The following DDX25 variants were observed in gnomAD, a reference collection of about 807,000 sequenced individuals.
DDX25 encodes the protein DEAD-box helicase 25.
Under a neutral mutation model 64.6 loss-of-function variants are expected in DDX25, and 70 were observed. That is an observed-to-expected ratio of 1.08 (90% CI 0.89 to 1.32). The LOEUF (loss-of-function observed/expected upper bound fraction) is 1.32. Among genes scored for constraint, DDX25 ranks in the 40% most tolerant of loss-of-function variants. The pLI is 0.00. For missense variants in DDX25, 587 were observed against 604.4 expected (o/e 0.97, Z 0.30); for synonymous variants, 211 against 213.3 (o/e 0.99, Z 0.09).
intron 4 of DDX25, among the ~76,000 whole-genome samples, chr11:125,907,500 C>G (rs909697006): frequency 1.8e-4 from 28 of 151,436 alleles, no homozygotes; most frequent in Admixed American, 1.6e-3. Context: ...CCTAGCTACT[C>G]GGGAGGCTGA....
upstream of DDX25, among the ~76,000 whole-genome samples, chr11:125,904,168 G>C (rs1295657903): frequency 6.6e-6 from 1 of 152,204 alleles, no homozygotes; most frequent in Non-Finnish European, 1.5e-5. Context: ...GGGGGCTCCC[G>C]CCTGGAGGGC....
chr11:125,923,594 A>AC lies in DDX25; in HGVS notation c.*714dup, dbSNP rs2134287417. 1 of 152,034 alleles carries AC rather than the reference A, an allele frequency of 6.6e-6. No individual in the cohort carries two copies. Among genetic ancestry groups the AC allele is most frequent in the East Asian group, 1.9e-4 (1 of 5,170 alleles). 9.4% of individuals were successfully genotyped at this position (152,034 alleles called of 1,614,324 possible). On this transcript the variant is annotated 3_prime_UTR_variant, in exon 12 of 12. Coordinates refer to ENST00000263576, the MANE Select transcript of DDX25 (RefSeq NM_013264.5). ...AGTCGGGAGGGTAAAAAAAAAACCC[A>AC]CATACCCTATTAAAGAAGTAACATT...
intron 8 of DDX25, among the ~76,000 whole-genome samples, chr11:125,916,663 A>G (rs1468931589): frequency 6.6e-6 from 1 of 151,978 alleles, no homozygotes; most frequent in Non-Finnish European, 1.5e-5. Flanking sequence ...CTTCATCTCC[A>G]TTTACCTTTG....
In DDX25 at chr11:125,922,950, AT is replaced by A; in HGVS notation, c.*76del. The stretch of plus-strand genomic sequence containing the variant: ...AATGTCTCAGTGGGTTTTGAAGGTA[AT>A]TTTTTTATGTTGAGGCTTTTTCGAC... On this transcript the variant is annotated 3_prime_UTR_variant, in exon 12 of 12. Transcript: ENST00000263576. The A allele has an allele frequency of 1.3e-5, 18 of 1,426,052 alleles. No individual in the cohort carries two copies. The highest frequency in any genetic ancestry group is 2.7e-5 in the South Asian group (2 of 73,750). 88.3% of individuals were successfully genotyped at this position (1,426,052 alleles called of 1,614,324 possible).
In DDX25 at chr11:125,928,247, A is replaced by G. The variant is rs1284464568; in HGVS notation, c.*5366A>G. 1 of 152,206 alleles carries G rather than the reference A, an allele frequency of 6.6e-6. No homozygotes were observed. The highest frequency in any genetic ancestry group is 1.5e-5 in the Non-Finnish European group (1 of 68,030). 9.4% of individuals were successfully genotyped at this position (152,206 alleles called of 1,614,324 possible). ...CATCTGTGGTTAATTATAGTATTAT[A>G]TCTTTTTATTTGAAACATTCAAGTT... is the stretch of plus-strand genomic sequence containing the variant. On this transcript the variant is annotated 3_prime_UTR_variant, in exon 12 of 12. Coordinates refer to ENST00000263576, the MANE Select transcript of DDX25 (RefSeq NM_013264.5).
intron 3 of DDX25, 21 bp downstream of exon 3, chr11:125,905,618 C>T (rs2134271828): frequency 6.5e-7 from 1 of 1,546,226 alleles, no homozygotes. Flanking sequence ...AATTCATTTG[C>T]ATGTATCTAC....
In DDX25 at chr11:125,924,296, G is replaced by T. The variant is rs558927209; in HGVS notation, c.*1415G>T. 4 of 152,250 alleles carry T rather than the reference G, an allele frequency of 2.6e-5. No homozygotes were observed. The highest frequency in any genetic ancestry group is 9.6e-5 in the African/African-American group (4 of 41,528). 9.4% of individuals were successfully genotyped at this position (152,250 alleles called of 1,614,324 possible). On this transcript the variant is annotated 3_prime_UTR_variant, in exon 12 of 12. Transcript: ENST00000263576. ...AAAACGCGCTCCCCTCCCTCATTTA[G>T]CAACAGATATTTATTGTATACCCTT...
chr11:125,915,757 C>A (rs776623717), intron 8 of DDX25, among the ~76,000 whole-genome samples: 17 of 152,182 alleles, frequency 1.1e-4, no homozygotes, highest in Non-Finnish European at 2.1e-4. Context: ...TCTCTGGTTC[C>A]TGTAGCTCAC....
rs1945183187 is a variant in DDX25 at position 125,928,042 on chromosome 11, A to G, written c.*5161A>G. ...GTACCCTGTCTTAGCGTTCAGATGC[A>G]TTGGTTCCTTCCCCATGTGACCATC... On this transcript the variant is annotated 3_prime_UTR_variant, in exon 12 of 12. Coordinates refer to ENST00000263576, the MANE Select transcript of DDX25 (RefSeq NM_013264.5). The G allele has an allele frequency of 6.6e-6, 1 of 152,218 alleles. No individual in the cohort carries two copies. The highest frequency in any genetic ancestry group is 6.6e-5 in the Admixed American group (1 of 15,266). The allele number at this position is 152,218 out of a possible 1,614,324, so 9.4% of individuals were successfully genotyped here. A position where few individuals can be genotyped will look rare whatever the true frequency, so the allele number is the denominator to read the frequency against.
In DDX25 at chr11:125,921,472, GAGT is replaced by G. The variant is rs1479598331; in HGVS notation, c.1390+99_1390+101del. The G allele has an allele frequency of 7.0e-7, 1 of 1,425,574 alleles. No homozygotes were observed. The highest frequency in any genetic ancestry group is 9.4e-7 in the Non-Finnish European group (1 of 1,066,998). The allele number at this position is 1,425,574 out of a possible 1,614,324, so 88.3% of individuals were successfully genotyped here. On this transcript the variant is annotated intron_variant, in intron 11 of 11. Transcript: ENST00000263576. This position sits in a 1 kb window ranked among gnomAD's most constrained non-coding sequence, Gnocchi z 4.1. ...AGAGCTGGAGTCCAGGGGCTCATGA[GAGT>G]AGTAGAAGCAGAATGCATGAGCTGG...
In DDX25 at chr11:125,917,149, C is replaced by G; in HGVS notation, c.936C>G (p.Ile312Met). The G allele has an allele frequency of 6.2e-7, 1 of 1,611,262 alleles. No individual in the cohort carries two copies. Among genetic ancestry groups the G allele is most frequent in the Non-Finnish European group, 8.5e-7 (1 of 1,178,906 alleles). The change falls in exon 9 of 12, where the codon ATC becomes ATG. Residue 312 changes from isoleucine (I) to methionine (M), a missense_variant. Physicochemically the swap from Ile to Met is conservative, Grantham distance 10. Transcript: ENST00000263576. The stretch of plus-strand genomic sequence containing the variant: ...AAGAGGAGCTCACACTGAACAACAT[C>G]CGGCAATATTACGTGCTGTGTGAGC... ...LRKEELTLNNIRQYYVLCEHR... is the reference protein window; with the variant it reads ...LRKEELTLNNMRQYYVLCEHR...
In DDX25 at chr11:125,905,285, G is replaced by C; in HGVS notation, c.130+7G>C. On this transcript the variant is annotated splice_region_variant and intron_variant, in intron 2 of 11. Transcript: ENST00000263576. ...ACTGCAGTCCGAAACATAGGTGAGTGCTGTTAGGGCAAAGCAGAGCGACCT... is the reference window on the plus strand; with the variant it reads ...ACTGCAGTCCGAAACATAGGTGAGTCCTGTTAGGGCAAAGCAGAGCGACCT... The C allele has an allele frequency of 6.4e-7, 1 of 1,551,624 alleles. No individual in the cohort carries two copies. Among genetic ancestry groups the C allele is most frequent in the Non-Finnish European group, 8.7e-7 (1 of 1,146,952 alleles).
intron 6 of DDX25, among the ~76,000 whole-genome samples, chr11:125,909,403 G>A (rs1944936362): frequency 6.6e-6 from 1 of 152,094 alleles, no homozygotes; most frequent in African/African-American, 2.4e-5. Context: ...TTAGCCCTTT[G>A]GCTATGTTTC....
chr11:125,915,941 C>G (rs1417169822), intron 8 of DDX25, among the ~76,000 whole-genome samples: 1 of 152,166 alleles, frequency 6.6e-6, no homozygotes, highest in Admixed American at 6.5e-5. Flanking sequence ...CCATTCTCCA[C>G]ATTTTCCGTG....
Position 125,927,661 on chromosome 11 carries a change from A to C in DDX25, c.*4780A>C, listed in dbSNP as rs1009513672. 25 of 152,170 alleles carry C rather than the reference A, an allele frequency of 1.6e-4. No homozygotes were observed. The highest frequency in any genetic ancestry group is 3.9e-4 in the Admixed American group (6 of 15,270). 9.4% of individuals were successfully genotyped at this position (152,170 alleles called of 1,614,324 possible). ...TCCTTAGTGTGTGATCATGGCTTGA[A>C]ATCTCTGCTTTCTGTTATATTCGGA... On this transcript the variant is annotated 3_prime_UTR_variant, in exon 12 of 12. Transcript: ENST00000263576.
Position 125,921,096 on chromosome 11 carries a change from C to T in DDX25, c.1202-95C>T. On this transcript the variant is annotated intron_variant, in intron 10 of 11. Coordinates refer to ENST00000263576, the MANE Select transcript of DDX25 (RefSeq NM_013264.5). This position sits in a 1 kb window ranked among gnomAD's most constrained non-coding sequence, Gnocchi z 4.1. ...CCCTGGTTGGATTTCTAAATTTTCT[C>T]TATAAATAGGAATTCCCTTGGCAGA... 4 of 1,297,606 alleles carry T rather than the reference C, an allele frequency of 3.1e-6. No homozygotes were observed. Among genetic ancestry groups the T allele is most frequent in the South Asian group, 3.3e-5 (2 of 60,562 alleles). 80.4% of individuals were successfully genotyped at this position (1,297,606 alleles called of 1,614,324 possible).
chr11:125,928,151 C>A lies in DDX25; in HGVS notation c.*5270C>A, dbSNP rs146408814. 1.4e-4 allele frequency: 22 copies of A among 152,252 alleles called. No individual in the cohort carries two copies. The East Asian group carries it at 3.7e-3, about 25-fold the overall frequency. The allele number at this position is 152,252 out of a possible 1,614,324, so 9.4% of individuals were successfully genotyped here. A position where few individuals can be genotyped will look rare whatever the true frequency, so the allele number is the denominator to read the frequency against. On this transcript the variant is annotated 3_prime_UTR_variant, in exon 12 of 12. Transcript: ENST00000263576. ...AAAGCAATGAAACAGCAAAGTAGAG[C>A]AAAATATCAACAATCCAATGACTTT...
In DDX25 at chr11:125,917,242, C is replaced by A. The variant is rs768446624; in HGVS notation, c.1029C>A (p.Ile343=). 48 of 1,602,836 alleles carry A rather than the reference C, an allele frequency of 3.0e-5. No homozygotes were observed. The highest frequency in any genetic ancestry group is 1.3e-4 in the East Asian group (6 of 44,626). Residue 343 remains isoleucine (I), a synonymous_variant, in exon 9 of 12, where the codon ATC becomes ATA. Transcript: ENST00000263576. The part of the protein sequence containing the change: ...YGSITIGQAI[I]FCQTRRNAKW... Reference sequence around the variant, plus strand: ...GCATCACCATTGGTCAGGCCATCATCTTCTGCCAGGTACACTCTGTGGATG... The same window carrying A: ...GCATCACCATTGGTCAGGCCATCATATTCTGCCAGGTACACTCTGTGGATG...
At position 125,908,383 on chromosome 11, in the gene DDX25, G is replaced by T. The variant is rs200343315; in HGVS notation, c.405-18G>T. On this transcript the variant is annotated intron_variant, in intron 5 of 11. Coordinates refer to ENST00000263576, the MANE Select transcript of DDX25 (RefSeq NM_013264.5). The stretch of plus-strand genomic sequence containing the variant: ...TCTTGTATTCAGTTTATGCCCAGTG[G>T]TCTTCTCTTTTCTACAGACCCCAGA... The T allele has an allele frequency of 1.3e-5, 21 of 1,613,674 alleles. No homozygotes were observed. In the Middle Eastern group the frequency reaches 9.9e-4, roughly 76 times the overall value.
Sources: gnomAD v4.1 joint callset for allele counts (sites outside exome capture counted in the v4.1 genomes callset) on GRCh38, gnomAD v4.1.1 for gene constraint, Gnocchi (gnomAD v3.1) non-coding constraint, MANE v1.5 for transcripts, NCBI Gene and HGNC (gene_info 2026-07-23, HGNC 2026-07-21) for gene names.